The following CPXCR1 variants were observed in gnomAD, a reference collection of about 807,000 sequenced individuals.
The protein encoded by CPXCR1 is CPX chromosome region candidate 1, also known as CPX chromosomal region candidate gene 1 protein.
In CPXCR1, 15 loss-of-function variants were observed where a neutral mutation model predicts 13.8. That is an observed-to-expected ratio of 1.09 (90% confidence interval 0.73 to 1.67). CPXCR1 has a LOEUF of 1.67. CPXCR1 is among the 40% of genes most tolerant of loss of function. CPXCR1 has a pLI of 0.00. For synonymous variants in CPXCR1, 70 were observed against 76.7 expected (o/e 0.91, Z 0.46); for missense variants, 247 against 223.6 (o/e 1.10, Z -0.67).
chrX:88,750,146 G>T (rs188095887), intron 2 of CPXCR1, among the ~76,000 whole-genome samples: 1 of 111,211 alleles, frequency 9.0e-6, no homozygotes, highest in African/African-American at 3.3e-5. Flanking sequence ...TCCTTGTCTT[G>T]TGGCAGTTTT....
In CPXCR1 at chrX:88,747,235, G is replaced by A. The variant is rs1176651378; in HGVS notation, c.-249G>A. The A allele has an allele frequency of 8.9e-6, 1 of 111,977 alleles. No homozygotes were observed. The highest frequency in any genetic ancestry group is 2.8e-4 in the East Asian group (1 of 3,537). 9.2% of individuals were successfully genotyped at this position (111,977 alleles called of 1,213,427 possible). A position where few individuals can be genotyped will look rare whatever the true frequency, so the allele number is the denominator to read the frequency against. ...AAAGAACTGTGAAACAGGAGTAAGT[G>A]GAGAGGTAGAGGGCAGAAGAAAAGG... On this transcript the variant is annotated 5_prime_UTR_variant, in exon 1 of 3. Transcript: ENST00000276127.
chrX:88,751,861 G>A (rs1924926570), intron 2 of CPXCR1, among the ~76,000 whole-genome samples: 1 of 111,461 alleles, frequency 9.0e-6, no homozygotes, highest in Non-Finnish European at 1.9e-5. Context: ...GTCAGATTGT[G>A]GAGGGTCTCT....
Position 88,754,125 on chromosome X carries a change from C to A in CPXCR1, c.711C>A (p.Leu237=), listed in dbSNP as rs757540179. 8.3e-7 allele frequency: 1 copy of A among 1,198,976 alleles called. No homozygotes were observed. Among genetic ancestry groups the A allele is most frequent in the Non-Finnish European group, 1.1e-6 (1 of 886,752 alleles). Reference sequence around the variant, plus strand: ...TCCGTGCTATTGTGAGGTCTGTGCTCTTTGTGTCACAGATACAAATTGAAA... The same window carrying A: ...TCCGTGCTATTGTGAGGTCTGTGCTATTTGTGTCACAGATACAAATTGAAA... ...CRFRAIVRSV[L]FVSQIQIESI... Residue 237 remains leucine, a synonymous_variant, in exon 3 of 3, where the codon CTC becomes CTA. Transcript: ENST00000276127.
chrX:88,752,055 G>T (rs930953601), intron 2 of CPXCR1, among the ~76,000 whole-genome samples: 5 of 111,991 alleles, frequency 4.5e-5, no homozygotes, highest in Non-Finnish European at 7.5e-5. Flanking sequence ...CAGCCCACTT[G>T]CATTCGCCTT....
At chrX:88,749,736 A>C (rs1290997279) in intron 2 of CPXCR1, among the ~76,000 whole-genome samples, 4 of 110,106 alleles carry the variant, frequency 3.6e-5, no homozygotes, top group Non-Finnish European at 7.6e-5. Flanking sequence ...AATAAAGATA[A>C]ATAAAGCAGG....
chrX:88,754,018 G>T lies in CPXCR1; in HGVS notation c.604G>T (p.Val202Leu). 1 of 1,210,646 alleles carries T rather than the reference G, an allele frequency of 8.3e-7. No homozygotes were observed. Among genetic ancestry groups the T allele is most frequent in the South Asian group, 1.8e-5 (1 of 56,916 alleles). Reference protein sequence around the residue: ...RAITFRRPSRVHYYRPLTERM... With the variant: ...RAITFRRPSRLHYYRPLTERM... ...CATAACATTTAGAAGGCCTTCGAGGGTGCACTACTACCGTCCCCTCACTGA... is the reference window on the plus strand; with the variant it reads ...CATAACATTTAGAAGGCCTTCGAGGTTGCACTACTACCGTCCCCTCACTGA... Residue 202 changes from valine to leucine, a missense_variant, in exon 3 of 3, where the codon GTG becomes TTG. Physicochemically the swap from Val to Leu is conservative, Grantham distance 32. Coordinates refer to ENST00000276127, the MANE Select transcript of CPXCR1 (RefSeq NM_033048.6).
Position 88,754,361 on chromosome X carries a change from A to G in CPXCR1, c.*41A>G. The G allele has an allele frequency of 1.1e-6, 1 of 920,604 alleles. No individual in the cohort carries two copies. The highest frequency in any genetic ancestry group is 1.5e-6 in the Non-Finnish European group (1 of 674,949). 75.9% of individuals were successfully genotyped at this position (920,604 alleles called of 1,213,427 possible). ...ATTCATTTTAAAATATAACTTCTAA[A>G]ATTCATAATTTGACTACTAAAGTAA... is the stretch of plus-strand genomic sequence containing the variant. On this transcript the variant is annotated 3_prime_UTR_variant, in exon 3 of 3. Coordinates refer to ENST00000276127, the MANE Select transcript of CPXCR1 (RefSeq NM_033048.6).
intron 2 of CPXCR1, among the ~76,000 whole-genome samples, chrX:88,751,189 T>C (rs1924907738): frequency 8.9e-6 from 1 of 111,930 alleles, no homozygotes; most frequent in Non-Finnish European, 1.9e-5. Context: ...TATTTCCTGC[T>C]TTCTCTTGTG....
chrX:88,750,243 T>C (rs1924879925), intron 2 of CPXCR1, among the ~76,000 whole-genome samples: 1 of 111,578 alleles, frequency 9.0e-6, no homozygotes, highest in Admixed American at 9.6e-5. Flanking sequence ...TTGAGATACG[T>C]TTCATCGATA....
Position 88,754,024 on chromosome X carries a change from T to A in CPXCR1, c.610T>A (p.Tyr204Asn), listed in dbSNP as rs762257969. 27 of 1,208,903 alleles carry A rather than the reference T, an allele frequency of 2.2e-5. No homozygotes were observed. Among genetic ancestry groups the A allele is most frequent in the Middle Eastern group, 2.3e-4 (1 of 4,372 alleles). The change falls in exon 3 of 3, where the codon TAC (tyrosine) becomes AAC (asparagine). Residue 204 changes from tyrosine (Y) to asparagine (N), a missense_variant. By Grantham distance (143) the Tyr-to-Asn change is moderately radical. Coordinates refer to ENST00000276127, the MANE Select transcript of CPXCR1 (RefSeq NM_033048.6). ...ITFRRPSRVH[Y>N]YRPLTERMTS... Reference sequence around the variant, plus strand: ...ATTTAGAAGGCCTTCGAGGGTGCACTACTACCGTCCCCTCACTGAGAGAAT... The same window carrying A: ...ATTTAGAAGGCCTTCGAGGGTGCACAACTACCGTCCCCTCACTGAGAGAAT...
At position 88,753,787 on chromosome X, in the gene CPXCR1, C is replaced by T; in HGVS notation, c.373C>T (p.Pro125Ser). 1 of 1,209,573 alleles carries T rather than the reference C, an allele frequency of 8.3e-7. No homozygotes were observed. Among genetic ancestry groups the T allele is most frequent in the Non-Finnish European group, 1.1e-6 (1 of 894,241 alleles). The change falls in exon 3 of 3, where the codon CCC becomes TCC. Residue 125 changes from proline (P) to serine (S), a missense_variant. Physicochemically the swap from Pro to Ser is moderately conservative, Grantham distance 74. Transcript: ENST00000276127. ...AGTTGAGATGAAAGCAAACAATTTC[C>T]CCATAAATCACAAAACTCGTTTTCG... ...GKVEMKANNF[P>S]INHKTRFRLS...
intron 2 of CPXCR1, among the ~76,000 whole-genome samples, chrX:88,752,027 C>T (rs536333807): frequency 8.9e-6 from 1 of 112,229 alleles, no homozygotes; most frequent in South Asian, 3.7e-4. Flanking sequence ...AACTCCACCA[C>T]TCCACCAGAT....
chrX:88,754,314 G>A lies in CPXCR1; in HGVS notation c.900G>A (p.Gly300=). 9.5e-7 allele frequency: 1 copy of A among 1,055,204 alleles called. No individual in the cohort carries two copies. 87.0% of individuals were successfully genotyped at this position (1,055,204 alleles called of 1,213,427 possible). ...GACAACATTCATGCAGCTCTTCTGG[G>A]AATTAAATTAAATTGGGGTAAATTC... ...ELRQHSCSSS[G]N Residue 300 remains glycine, a synonymous_variant, in exon 3 of 3, where the codon GGG becomes GGA. Transcript: ENST00000276127.
intron 2 of CPXCR1, among the ~76,000 whole-genome samples, chrX:88,752,794 G>A (rs1924959791): frequency 1.8e-5 from 2 of 111,028 alleles, no homozygotes; most frequent in South Asian, 3.8e-4. Context: ...TGATCCGCCC[G>A]CCTCAGCCTC....
chrX:88,748,919 C>CT (rs1235780340), intron 1 of CPXCR1, among the ~76,000 whole-genome samples: 107 of 103,576 alleles, frequency 1.0e-3, no homozygotes, highest in African/African-American at 3.5e-3. Flanking sequence ...TAGCAATTTT[C>CT]TTTTTTTTTA....
chrX:88,753,872 T>C lies in CPXCR1; in HGVS notation c.458T>C (p.Leu153Pro), dbSNP rs748713349. 4 of 1,208,954 alleles carry C rather than the reference T, an allele frequency of 3.3e-6. No individual in the cohort carries two copies. In the Admixed American group the frequency reaches 8.7e-5, roughly 26 times the overall value. ...AGTCATGAGATAAGAAGTATGATTC[T>C]CCATCTGCTATGTGATAGATATTTC... is the stretch of plus-strand genomic sequence containing the variant. Reference protein sequence around the residue: ...INSHEIRSMILHLLCDRYFSQ... With the variant: ...INSHEIRSMIPHLLCDRYFSQ... The change falls in exon 3 of 3, where the codon CTC becomes CCC. Residue 153 changes from leucine to proline, a missense_variant. Physicochemically the swap from Leu to Pro is moderately conservative, Grantham distance 98. Transcript: ENST00000276127.
rs1332877697 is a variant in CPXCR1, at chrX:88,747,227, G to C, written c.-257G>C. ...CAGAGTCAAAAGAACTGTGAAACAG[G>C]AGTAAGTGGAGAGGTAGAGGGCAGA... On this transcript the variant is annotated 5_prime_UTR_variant, in exon 1 of 3. Coordinates refer to ENST00000276127, the MANE Select transcript of CPXCR1 (RefSeq NM_033048.6). The C allele has an allele frequency of 1.8e-5, 2 of 112,006 alleles. No homozygotes were observed. Among genetic ancestry groups the C allele is most frequent in the Non-Finnish European group, 3.8e-5 (2 of 53,269 alleles). The allele number at this position is 112,006 out of a possible 1,213,427, so 9.2% of individuals were successfully genotyped here. A position where few individuals can be genotyped will look rare whatever the true frequency, so the allele number is the denominator to read the frequency against.
In CPXCR1 at chrX:88,753,883, T is replaced by C; in HGVS notation, c.469T>C (p.Cys157Arg). ...AAGAAGTATGATTCTCCATCTGCTA[T>C]GTGATAGATATTTCTCTCAGGCTGC... is the stretch of plus-strand genomic sequence containing the variant. Reference protein sequence around the residue: ...EIRSMILHLLCDRYFSQAAGC... With the variant: ...EIRSMILHLLRDRYFSQAAGC... The change falls in exon 3 of 3, where the codon TGT (cysteine) becomes CGT (arginine). Residue 157 changes from cysteine (C) to arginine (R), a missense_variant. Cys to Arg is a radical substitution (Grantham distance 180). Coordinates refer to ENST00000276127, the MANE Select transcript of CPXCR1 (RefSeq NM_033048.6). 1 of 1,209,348 alleles carries C rather than the reference T, an allele frequency of 8.3e-7. No individual in the cohort carries two copies. The highest frequency in any genetic ancestry group is 1.1e-6 in the Non-Finnish European group (1 of 893,261).
rs747289925 is a variant in CPXCR1, at chrX:88,754,021, C to T, written c.607C>T (p.His203Tyr). The change falls in exon 3 of 3, where the codon CAC (histidine) becomes TAC (tyrosine). Residue 203 changes from histidine (H) to tyrosine (Y), a missense_variant. Transcript: ENST00000276127. ...AACATTTAGAAGGCCTTCGAGGGTG[C>T]ACTACTACCGTCCCCTCACTGAGAG... ...AITFRRPSRV[H>Y]YYRPLTERMT... 1.7e-6 allele frequency: 2 copies of T among 1,208,377 alleles called. No homozygotes were observed. The highest frequency in any genetic ancestry group is 3.5e-5 in the African/African-American group (2 of 56,935).
Sources: allele counts gnomAD v4.1 joint callset (sites outside exome capture counted in the v4.1 genomes callset), GRCh38; gene constraint gnomAD v4.1.1; transcripts MANE v1.5; gene names NCBI Gene and HGNC (gene_info 2026-07-23, HGNC 2026-07-21).